GPC6: variants seen among roughly 807,000 people sequenced by gnomAD.
GPC6 encodes glypican-6.
In GPC6, 14 loss-of-function variants were observed where a neutral mutation model predicts 55.2. The observed-to-expected ratio is 0.25, with a 90% confidence interval of 0.17 to 0.40. GPC6 has a LOEUF of 0.40. Among genes scored for constraint, GPC6 ranks in the 10% least tolerant of loss-of-function variants. The probability of loss-of-function intolerance (pLI) is 1.00; values close to 1 mark genes in which losing one functional copy is unlikely to be tolerated. For synonymous variants in GPC6, 278 were observed against 259.6 expected (o/e 1.07, Z -0.68); for missense variants, 641 against 708.5 (o/e 0.90, Z 1.08).
intron 4 of GPC6, among the ~76,000 whole-genome samples, chr13:94,261,910 GC>G (rs1248236057): frequency 6.6e-6 from 1 of 152,192 alleles, no homozygotes; most frequent in Non-Finnish European, 1.5e-5. Context: ...TCAGAAGCTT[GC>G]CTGTAAATAG....
intron 4 of GPC6, among the ~76,000 whole-genome samples, chr13:94,138,867 A>C (rs1039529580): frequency 6.6e-6 from 1 of 152,112 alleles, no homozygotes; most frequent in Non-Finnish European, 1.5e-5. Context: ...GGCTGCAGAG[A>C]TGAAAGACAT....
rs1881011970 is a variant in GPC6, at chr13:93,512,304, T to C, written c.161-32959T>C. On this transcript the variant is annotated intron_variant, in intron 1 of 8. Coordinates refer to ENST00000377047, the MANE Select transcript of GPC6 (RefSeq NM_005708.5). ...TTTTCCCCATTTAGTATGCTGTTAGTTGTGTGTTTGTCATATATGGCCTTT... is the reference window on the plus strand; with the variant it reads ...TTTTCCCCATTTAGTATGCTGTTAGCTGTGTGTTTGTCATATATGGCCTTT... Among the ~76,000 whole-genome samples, 4 of 152,084 alleles carry C rather than the reference T, an allele frequency of 2.6e-5. No homozygotes were observed. In the South Asian group the frequency reaches 8.3e-4, roughly 32 times the overall value.
intron 4 of GPC6, among the ~76,000 whole-genome samples, chr13:94,089,058 A>T (rs1322354561): frequency 6.6e-6 from 1 of 152,182 alleles, no homozygotes; most frequent in Admixed American, 6.5e-5. Flanking sequence ...TACTTAATAA[A>T]GGACATGAAA....
chr13:93,865,389 A>G (rs1018336047), intron 3 of GPC6, among the ~76,000 whole-genome samples: 1 of 151,746 alleles, frequency 6.6e-6, no homozygotes, highest in South Asian at 2.1e-4. Flanking sequence ...CAACATGCCA[A>G]TAATGATGGA....
intron 3 of GPC6, among the ~76,000 whole-genome samples, chr13:93,936,442 T>C (rs1878437960): frequency 6.6e-6 from 1 of 152,200 alleles, no homozygotes; most frequent in African/African-American, 2.4e-5. Context: ...CATACACATC[T>C]ATATACATAT....
At chr13:93,446,725 G>T (rs529779214) in intron 1 of GPC6, among the ~76,000 whole-genome samples, 3 of 152,242 alleles carry the variant, frequency 2.0e-5, no homozygotes, top group South Asian at 4.1e-4. Flanking sequence ...TGTAGAAATT[G>T]TCTCTTGCTG....
At chr13:94,048,176 C>G (rs1469495603) in intron 4 of GPC6, among the ~76,000 whole-genome samples, 4 of 151,948 alleles carry the variant, frequency 2.6e-5, no homozygotes, top group Non-Finnish European at 5.9e-5. Context: ...TGAGATGATG[C>G]CTAGCCTTTT....
intron 3 of GPC6, among the ~76,000 whole-genome samples, chr13:93,943,584 C>T (rs563673961): frequency 6.6e-6 from 1 of 152,198 alleles, no homozygotes; most frequent in South Asian, 2.1e-4. Flanking sequence ...CCTGAATAAA[C>T]CTTATGCACA....
chr13:93,513,534 T>A (rs1008001184), intron 1 of GPC6, among the ~76,000 whole-genome samples: 9 of 152,276 alleles, frequency 5.9e-5, no homozygotes, highest in Admixed American at 5.9e-4. Context: ...ATTCTCAAAG[T>A]GAATCTTATC....
chr13:93,770,464 C>T (rs1162023248), intron 2 of GPC6, among the ~76,000 whole-genome samples: 1 of 152,068 alleles, frequency 6.6e-6, no homozygotes, highest in Admixed American at 6.6e-5. Flanking sequence ...TGAGGCATGC[C>T]ACCATTTCTT....
intron 2 of GPC6, among the ~76,000 whole-genome samples, chr13:93,791,062 A>C (rs956196535): frequency 6.6e-6 from 1 of 151,836 alleles, no homozygotes; most frequent in African/African-American, 2.4e-5. Context: ...ACCTACCCGC[A>C]CTCCCTGCAT....
intron 4 of GPC6, among the ~76,000 whole-genome samples, chr13:94,143,797 C>A (rs1468242544): frequency 6.6e-6 from 1 of 152,132 alleles, no homozygotes; most frequent in African/African-American, 2.4e-5. Flanking sequence ...GGGAGAATTG[C>A]TTGAGCAATT....
At chr13:94,311,359 G>A (rs946435766) in intron 6 of GPC6, among the ~76,000 whole-genome samples, 17 of 152,138 alleles carry the variant, frequency 1.1e-4, no homozygotes, top group African/African-American at 3.9e-4. Flanking sequence ...AGTAGAGACG[G>A]AGTTTCACCA....
intron 5 of GPC6, 57 bp downstream of exon 5, chr13:94,286,536 C>G: frequency 6.8e-7 from 1 of 1,479,224 alleles, no homozygotes; most frequent in South Asian, 1.1e-5. Flanking sequence ...GTGCAATAAC[C>G]TAAAAACGAA....
chr13:94,222,064 C>G (rs1890401638), intron 4 of GPC6, among the ~76,000 whole-genome samples: 1 of 151,528 alleles, frequency 6.6e-6, no homozygotes, highest in Non-Finnish European at 1.5e-5. Flanking sequence ...GTGGCTTAAT[C>G]TATTCATATC....
chr13:93,441,696 A>T (rs769806149), intron 1 of GPC6, among the ~76,000 whole-genome samples: 1 of 152,068 alleles, frequency 6.6e-6, no homozygotes, highest in Non-Finnish European at 1.5e-5. Context: ...TCTTTAGTTT[A>T]ATTAGATCCC....
intron 4 of GPC6, among the ~76,000 whole-genome samples, chr13:94,106,814 C>T (rs1328291176): frequency 6.6e-6 from 1 of 151,972 alleles, no homozygotes; most frequent in African/African-American, 2.4e-5. Flanking sequence ...AACTAGAAAA[C>T]AAATTGATAG....
At chr13:93,449,968 G>T (rs1878165240) in intron 1 of GPC6, among the ~76,000 whole-genome samples, 1 of 151,470 alleles carries the variant, frequency 6.6e-6, no homozygotes, top group Non-Finnish European at 1.5e-5. Flanking sequence ...ATTTTTAGTA[G>T]AGATGGGATT....
At chr13:93,706,071 C>T (rs1224533120) in intron 2 of GPC6, among the ~76,000 whole-genome samples, 1 of 151,704 alleles carries the variant, frequency 6.6e-6, no homozygotes, top group Non-Finnish European at 1.5e-5. Context: ...TAAAGTTTGC[C>T]AGTAGACAGT....
Sources: gnomAD v4.1 joint callset for allele counts (sites outside exome capture counted in the v4.1 genomes callset) on GRCh38, gnomAD v4.1.1 for gene constraint, MANE v1.5 for transcripts, NCBI Gene and HGNC (gene_info 2026-07-23, HGNC 2026-07-21) for gene names.